Variants in PRR16 observed in about 807,000 individuals in gnomAD.
PRR16 encodes protein Largen.
A neutral mutation model predicts 18.2 loss-of-function variants in PRR16; 6 were observed. The observed-to-expected ratio is 0.33, with a 90% CI of 0.18 to 0.65. PRR16 has a LOEUF of 0.65. PRR16 is among the 30% of genes least tolerant of loss of function. The pLI is 0.74. For synonymous variants in PRR16, 151 were observed against 147.8 expected (o/e 1.02, Z -0.16); for missense variants, 412 against 376.6 (o/e 1.09, Z -0.78).
At chr5:120,601,101 G>A (rs914161972) in intron 1 of PRR16, among the ~76,000 whole-genome samples, 16 of 151,876 alleles carry the variant, frequency 1.1e-4, no homozygotes, top group Admixed American at 2.6e-4. Flanking sequence ...TAATGGGATT[G>A]CTGGGTCAAA....
the PRR16 span, among the ~76,000 whole-genome samples, chr5:120,716,690 C>T: frequency 2.0e-3 from 311 of 152,178 alleles, no homozygotes; most frequent in African/African-American, 7.3e-3. Context: ...GCCTGGCCAA[C>T]ATGGAGAAAC....
chr5:120,783,758 A>G, the PRR16 span, among the ~76,000 whole-genome samples: 1 of 152,248 alleles, frequency 6.6e-6, no homozygotes, highest in East Asian at 1.9e-4. Context: ...GAAATATACA[A>G]TAATTTATTG....
the PRR16 span, among the ~76,000 whole-genome samples, chr5:120,779,714 A>G: frequency 2.6e-5 from 4 of 152,212 alleles, no homozygotes; most frequent in Non-Finnish European, 5.9e-5. Flanking sequence ...GATTGCAAAA[A>G]TGGCACATGC....
At chr5:120,721,676 G>C in the PRR16 span, among the ~76,000 whole-genome samples, 1 of 151,862 alleles carries the variant, frequency 6.6e-6, no homozygotes, top group African/African-American at 2.4e-5. Context: ...AAAGTTTCTG[G>C]GTTTTATAAA....
the PRR16 span, among the ~76,000 whole-genome samples, chr5:120,779,379 A>G: frequency 6.6e-6 from 1 of 152,174 alleles, no homozygotes; most frequent in African/African-American, 2.4e-5. Context: ...GTTGATGGAA[A>G]CATTCTGAAA....
intron 1 of PRR16, among the ~76,000 whole-genome samples, chr5:120,480,073 T>G (rs1254358079): frequency 6.6e-6 from 1 of 152,158 alleles, no homozygotes; most frequent in Admixed American, 6.5e-5. Flanking sequence ...ACCTTATTCA[T>G]AACAGGCTGC....
At chr5:120,678,094 A>T (rs567902472) in intron 1 of PRR16, among the ~76,000 whole-genome samples, 2 of 151,972 alleles carry the variant, frequency 1.3e-5, no homozygotes, top group Non-Finnish European at 2.9e-5. Context: ...TATTTTTAGT[A>T]GAGACGGCGT....
At chr5:120,662,771 A>C (rs922292117) in intron 1 of PRR16, among the ~76,000 whole-genome samples, 1 of 152,112 alleles carries the variant, frequency 6.6e-6, no homozygotes, top group South Asian at 2.1e-4. Context: ...TGATCCTCCT[A>C]GGCAAGGCCC....
intron 1 of PRR16, among the ~76,000 whole-genome samples, 173 bp downstream of exon 1, chr5:120,464,818 C>T (rs999827166): frequency 2.6e-5 from 4 of 151,916 alleles, no homozygotes; most frequent in Non-Finnish European, 4.4e-5. Flanking sequence ...TGTTGTTGCA[C>T]TTTTTAATTT....
intron 1 of PRR16, among the ~76,000 whole-genome samples, chr5:120,524,899 T>G (rs1185429551): frequency 6.6e-6 from 1 of 152,090 alleles, no homozygotes; most frequent in African/African-American, 2.4e-5. Context: ...AGGTTAACCA[T>G]TTTTTACTGT....
At chr5:120,472,985 TTG>T (rs1749318916) in intron 1 of PRR16, among the ~76,000 whole-genome samples, 1 of 152,168 alleles carries the variant, frequency 6.6e-6, no homozygotes, top group Non-Finnish European at 1.5e-5. Flanking sequence ...GCATTTTTAT[TTG>T]TTTTATTTTT....
chr5:120,759,117 C>T, the PRR16 span, among the ~76,000 whole-genome samples: 1 of 151,944 alleles, frequency 6.6e-6, no homozygotes, highest in Non-Finnish European at 1.5e-5. Context: ...GCTGGGACTA[C>T]AGGCACCCGC....
intron 1 of PRR16, among the ~76,000 whole-genome samples, chr5:120,684,947 T>C (rs1180042240): frequency 6.6e-6 from 1 of 152,220 alleles, no homozygotes; most frequent in Non-Finnish European, 1.5e-5. Context: ...GTACCTGTAG[T>C]AGCCCTTGAC....
the PRR16 span, among the ~76,000 whole-genome samples, chr5:120,715,693 T>C: frequency 1.3e-5 from 2 of 152,150 alleles, no homozygotes; most frequent in Non-Finnish European, 2.9e-5. Flanking sequence ...TGTATGAAAA[T>C]CAAAATAAAT....
the PRR16 span, among the ~76,000 whole-genome samples, chr5:120,736,863 G>T: frequency 6.6e-6 from 1 of 151,818 alleles, no homozygotes. Context: ...AAATAGTATT[G>T]CTTTCCTAAT....
At chr5:120,785,705 T>C in the PRR16 span, among the ~76,000 whole-genome samples, 1 of 151,384 alleles carries the variant, frequency 6.6e-6, no homozygotes, top group Non-Finnish European at 1.5e-5. Context: ...TCTCAGTAGC[T>C]GGGACTACAG....
At chr5:120,480,425 C>CT (rs947051326) in intron 1 of PRR16, among the ~76,000 whole-genome samples, 118 of 152,054 alleles carry the variant, frequency 7.8e-4, no homozygotes, top group African/African-American at 2.8e-3. Context: ...ATACAATTTT[C>CT]TTTTTTGCAG....
At chr5:120,716,564 T>G in the PRR16 span, among the ~76,000 whole-genome samples, 3 of 152,196 alleles carry the variant, frequency 2.0e-5, no homozygotes, top group African/African-American at 2.4e-5. Flanking sequence ...GTTCCTGAAA[T>G]GGATGCAAGG....
At chr5:120,530,265 ATATATATATATATATATATTTATT>A (rs1222774255) in intron 1 of PRR16, among the ~76,000 whole-genome samples, 7 of 119,396 alleles carry the variant, frequency 5.9e-5, no homozygotes, top group African/African-American at 1.1e-4. Flanking sequence ...ATATATATAT[ATATATATATATATATATATTTATT>A]TATTTATTTA....
Sources: gnomAD v4.1 joint callset for allele counts (sites outside exome capture counted in the v4.1 genomes callset) on GRCh38, gnomAD v4.1.1 for gene constraint, MANE v1.5 for transcripts, NCBI Gene and HGNC (gene_info 2026-07-23, HGNC 2026-07-21) for gene names.